STAG1: variants seen among roughly 807,000 people sequenced by gnomAD.
The protein encoded by STAG1 is STAG1 cohesin complex component.
A neutral mutation model predicts 170.9 loss-of-function variants in STAG1; 26 were observed. That is an observed-to-expected ratio of 0.15 (90% CI 0.11 to 0.21). STAG1 has a LOEUF of 0.21. Ranked by LOEUF, STAG1 falls within the 10% of genes least tolerant of loss-of-function variation. The pLI is 1.00. For synonymous variants in STAG1, 514 were observed against 497.7 expected (o/e 1.03, Z -0.44); for missense variants, 964 against 1,509.5 (o/e 0.64, Z 5.99).
At position 136,521,265 on chromosome 3, in the gene STAG1, C is replaced by T. The variant is rs1205236859; in HGVS notation, c.624G>A (p.Thr208=). The part of the protein sequence containing the change: ...YMMDTVISLL[T]GLSDSQVRAF... Reference sequence around the variant, plus strand: ...CTCTGACCTGGGAGTCTGACAAACCCGTCAAAAGGGAGATTACTGTGTCCA... The same window carrying T: ...CTCTGACCTGGGAGTCTGACAAACCTGTCAAAAGGGAGATTACTGTGTCCA... Residue 208 remains threonine (T), a synonymous_variant, in exon 7 of 34, where the codon ACG becomes ACA. Transcript: ENST00000383202. The T allele has an allele frequency of 2.5e-6, 4 of 1,613,664 alleles. No homozygotes were observed. Among genetic ancestry groups the T allele is most frequent in the Admixed American group, 1.7e-5 (1 of 59,948 alleles).
intron 3 of STAG1, among the ~76,000 whole-genome samples, chr3:136,611,825 C>G (rs1000574797): frequency 1.3e-5 from 2 of 151,416 alleles, no homozygotes; most frequent in Non-Finnish European, 2.9e-5. Flanking sequence ...TTAACTGTGA[C>G]CCGTCACATA....
chr3:136,506,829 TG>T (rs1281802060), intron 7 of STAG1, among the ~76,000 whole-genome samples: 1 of 152,164 alleles, frequency 6.6e-6, no homozygotes, highest in Non-Finnish European at 1.5e-5. Flanking sequence ...TCAAAGACAC[TG>T]GTATTCAGAA....
intron 1 of STAG1, among the ~76,000 whole-genome samples, chr3:136,727,929 G>A (rs924218897): frequency 2.6e-5 from 4 of 152,036 alleles, no homozygotes; most frequent in Admixed American, 6.6e-5. Flanking sequence ...AGGCTGAGAC[G>A]GGTAGATCAC....
intron 4 of STAG1, among the ~76,000 whole-genome samples, chr3:136,591,067 T>C (rs548383986): frequency 6.6e-6 from 1 of 151,666 alleles, no homozygotes; most frequent in South Asian, 2.1e-4. Context: ...TTTTATTATA[T>C]TTCATTAGAT....
chr3:136,525,099 G>T (rs1934934617), intron 6 of STAG1, among the ~76,000 whole-genome samples: 1 of 152,186 alleles, frequency 6.6e-6, no homozygotes, highest in Non-Finnish European at 1.5e-5. Context: ...TCAAGATGAT[G>T]CTGGCCTTAT....
chr3:136,629,478 C>CATATTTATATATGTTCAT (rs1940239778), intron 2 of STAG1, among the ~76,000 whole-genome samples: 1 of 151,692 alleles, frequency 6.6e-6, no homozygotes, highest in African/African-American at 2.4e-5. Flanking sequence ...GTATTTATAC[C>CATATTTATATATGTTCAT]ATATTTATAT....
chr3:136,668,413 T>C (rs1441218326), intron 1 of STAG1, among the ~76,000 whole-genome samples: 1 of 146,194 alleles, frequency 6.8e-6, no homozygotes, highest in Non-Finnish European at 1.5e-5. Context: ...GTATAATATA[T>C]ATAAAATATA....
At chr3:136,703,247 C>A (rs1383581679) in intron 1 of STAG1, among the ~76,000 whole-genome samples, 1 of 152,118 alleles carries the variant, frequency 6.6e-6, no homozygotes, top group Non-Finnish European at 1.5e-5. Flanking sequence ...CATGAGTGGG[C>A]AGGATGAAGA....
intron 25 of STAG1, among the ~76,000 whole-genome samples, chr3:136,364,430 A>T (rs113142467): frequency 4.6e-5 from 7 of 152,268 alleles, no homozygotes; most frequent in African/African-American, 1.4e-4. Flanking sequence ...AAGGTGACAG[A>T]TCAAGAAATA....
chr3:136,452,290 T>G (rs2088966216), intron 13 of STAG1, 143 bp from the exon 14 acceptor site: 2 of 598,598 alleles, frequency 3.3e-6, no homozygotes, highest in East Asian at 6.0e-5. Flanking sequence ...TCAGGCCAGG[T>G]GCAGAGGCTC....
At chr3:136,647,126 T>C (rs975686787) in intron 1 of STAG1, among the ~76,000 whole-genome samples, 18 of 152,168 alleles carry the variant, frequency 1.2e-4, no homozygotes, top group Non-Finnish European at 2.1e-4. Flanking sequence ...AAATTTAACC[T>C]ATTTTTTTAA....
chr3:136,570,363 T>G (rs923169956), intron 4 of STAG1, among the ~76,000 whole-genome samples: 2 of 152,262 alleles, frequency 1.3e-5, no homozygotes, highest in African/African-American at 2.4e-5. Flanking sequence ...CATTGTTATG[T>G]GTATTAGTAA....
chr3:136,575,446 A>T (rs2107771154), intron 4 of STAG1, among the ~76,000 whole-genome samples: 1 of 152,312 alleles, frequency 6.6e-6, no homozygotes, highest in South Asian at 2.1e-4. Context: ...GCTGGTCTCG[A>T]ACATCTGGGC....
intron 16 of STAG1, among the ~76,000 whole-genome samples, chr3:136,427,293 C>T (rs2088160091): frequency 6.6e-6 from 1 of 151,928 alleles, no homozygotes; most frequent in Admixed American, 6.6e-5. Flanking sequence ...ACACATTCTA[C>T]TACAATAATA....
chr3:136,444,876 T>G (rs1173673746), intron 14 of STAG1, among the ~76,000 whole-genome samples: 1 of 152,132 alleles, frequency 6.6e-6, no homozygotes, highest in Non-Finnish European at 1.5e-5. Flanking sequence ...TTTTTCTCCT[T>G]TGGAGACAGG....
chr3:136,616,973 G>A (rs377259769), intron 3 of STAG1, among the ~76,000 whole-genome samples: 49 of 152,134 alleles, frequency 3.2e-4, no homozygotes, highest in African/African-American at 9.2e-4. Flanking sequence ...ATATTTTGCT[G>A]TGTGAAAGGC....
intron 5 of STAG1, among the ~76,000 whole-genome samples, chr3:136,562,588 T>C (rs1160303148): frequency 1.3e-5 from 2 of 151,774 alleles, no homozygotes; most frequent in East Asian, 3.9e-4. Context: ...TTGAGTCATT[T>C]CTTTTTTTCT....
intron 13 of STAG1, among the ~76,000 whole-genome samples, chr3:136,460,908 C>A (rs1186547962): frequency 6.6e-6 from 1 of 152,122 alleles, no homozygotes; most frequent in Non-Finnish European, 1.5e-5. Context: ...GACAATATCC[C>A]TAGTAAACAT....
chr3:136,523,483 T>G (rs1332615644), intron 6 of STAG1, among the ~76,000 whole-genome samples: 2 of 152,200 alleles, frequency 1.3e-5, no homozygotes, highest in African/African-American at 4.8e-5. Context: ...GTCAGATGAG[T>G]AGATTGCAAA....
Sources: gnomAD v4.1 joint callset for allele counts (sites outside exome capture counted in the v4.1 genomes callset) on GRCh38, gnomAD v4.1.1 for gene constraint, MANE v1.5 for transcripts, NCBI Gene and HGNC (gene_info 2026-07-23, HGNC 2026-07-21) for gene names.